TTC28: variants seen among roughly 807,000 people sequenced by gnomAD.
TTC28 encodes the protein tetratricopeptide repeat protein 28.
TTC28 carries 61 observed loss-of-function variants against 198.0 expected under a neutral mutation model. The ratio of observed to expected loss-of-function variants is 0.31; its 90% CI spans 0.25 to 0.38. The LOEUF is 0.38. Ranked by LOEUF, TTC28 falls within the 10% of genes least tolerant of loss-of-function variation. The probability of loss-of-function intolerance (pLI) is 1.00; values close to 1 mark genes in which losing one functional copy is unlikely to be tolerated. For missense variants in TTC28, 2,678 were observed against 3,164.0 expected, an observed-to-expected ratio of 0.85 and a Z score of 3.69; for synonymous variants, 1,171 against 1,297.8, an observed-to-expected ratio of 0.90 and a Z score of 2.10.
chr22:28,192,783 G>A (rs1924954987), intron 5 of TTC28, among the ~76,000 whole-genome samples: 1 of 152,080 alleles, frequency 6.6e-6, no homozygotes, highest in South Asian at 2.1e-4. Flanking sequence ...AAGAAATATG[G>A]GACTATGAGA....
chr22:28,588,275 AT>A (rs1336539315), intron 2 of TTC28, among the ~76,000 whole-genome samples: 26 of 152,218 alleles, frequency 1.7e-4, no homozygotes, highest in Admixed American at 7.9e-4. Context: ...AGGAACTATA[AT>A]TTACCTTTAA....
In TTC28 at chr22:28,107,055, T is replaced by C. The variant is rs1255145186; in HGVS notation, c.2783+7A>G. The C allele has an allele frequency of 6.5e-7, 1 of 1,542,338 alleles. No individual in the cohort carries two copies. The highest frequency in any genetic ancestry group is 2.5e-5 in the East Asian group (1 of 40,806). On this transcript the variant is annotated splice_region_variant and intron_variant, in intron 7 of 22. Transcript: ENST00000397906. ...TATAAACCACAATTGTCCTTGGTCA[T>C]TTTTACCTGTGTCCATTTCCCAGGC...
At chr22:28,261,419 G>GAGGAGGTTAGAAAGAGAAA (rs1226954663) in intron 5 of TTC28, among the ~76,000 whole-genome samples, 2 of 152,128 alleles carry the variant, frequency 1.3e-5, no homozygotes, top group Admixed American at 1.3e-4. Context: ...AGTCGCAGGA[G>GAGGAGGTTAGAAAGAGAAA]AGGAGGTTAG....
intron 6 of TTC28, among the ~76,000 whole-genome samples, chr22:28,130,411 T>A (rs1171174625): frequency 6.6e-6 from 1 of 152,242 alleles, no homozygotes; most frequent in Non-Finnish European, 1.5e-5. Flanking sequence ...AACTTCCTAG[T>A]TGTATCTTCA....
In TTC28 at chr22:28,108,143, C is replaced by G; in HGVS notation, c.1702G>C (p.Gly568Arg). Residue 568 changes from glycine to arginine, a missense_variant, in exon 7 of 23, where the codon GGT becomes CGT. By Grantham distance (125) the Gly-to-Arg change is moderately radical. Around this residue, in one of 8 missense-constraint regions of TTC28, gnomAD observed 775 missense variants for 845.9 expected, o/e 0.92. Coordinates refer to ENST00000397906, the MANE Select transcript of TTC28 (RefSeq NM_001145418.2). ...GNLAVAYQAL[G>R]AHDRALQHYQ... is the part of the protein sequence containing the mutation. ...TGTTGCAGGGCCCGGTCATGGGCAC[C>G]CAGGGCCTGGTAGGCCACGGCAAGG... 6.4e-7 allele frequency: 1 copy of G among 1,551,698 alleles called. No homozygotes were observed. Among genetic ancestry groups the G allele is most frequent in the East Asian group, 2.4e-5 (1 of 40,914 alleles).
chr22:28,513,947 T>A (rs952492952), intron 2 of TTC28, among the ~76,000 whole-genome samples: 1 of 152,094 alleles, frequency 6.6e-6, no homozygotes, highest in African/African-American at 2.4e-5. Flanking sequence ...AAAAATTACT[T>A]AAAATCATAC....
chr22:28,041,706 T>C (rs1939646532), intron 12 of TTC28, among the ~76,000 whole-genome samples: 1 of 152,060 alleles, frequency 6.6e-6, no homozygotes, highest in Non-Finnish European at 1.5e-5. Flanking sequence ...CCAAAAGCAA[T>C]GGCAACAAAA....
chr22:28,419,912 A>G (rs756551887), intron 2 of TTC28, among the ~76,000 whole-genome samples: 11 of 152,240 alleles, frequency 7.2e-5, no homozygotes, highest in Non-Finnish European at 1.5e-4. Flanking sequence ...GATTGTAAAT[A>G]AAAGGAAAAG....
At chr22:28,264,025 G>A (rs1931508336) in intron 5 of TTC28, among the ~76,000 whole-genome samples, 3 of 152,026 alleles carry the variant, frequency 2.0e-5, no homozygotes, top group South Asian at 4.2e-4. Context: ...GAGTGGGGAG[G>A]CAGAAAGACC....
chr22:28,209,913 A>C (rs1926769234), intron 5 of TTC28, among the ~76,000 whole-genome samples: 1 of 152,158 alleles, frequency 6.6e-6, no homozygotes, highest in Non-Finnish European at 1.5e-5. Flanking sequence ...CACCTCATAC[A>C]GACAGGTGCC....
rs375897197 is a variant in TTC28 at position 28,429,799 on chromosome 22, T to C, written c.382-123156A>G. 3.3e-5 allele frequency among the ~76,000 whole-genome samples: 5 copies of C among 152,292 alleles called. No individual in the cohort carries two copies. In the South Asian group the frequency reaches 6.2e-4, roughly 19 times the overall value. On this transcript the variant is annotated intron_variant, in intron 2 of 22. Transcript: ENST00000397906. Reference sequence around the variant, plus strand: ...CACAAAAATGCCCAGAGACACAGCATTCCTTTTAAGCCACAGCAATTACCA... The same window carrying C: ...CACAAAAATGCCCAGAGACACAGCACTCCTTTTAAGCCACAGCAATTACCA...
chr22:28,403,083 G>A (rs1476164189), intron 2 of TTC28, among the ~76,000 whole-genome samples: 1 of 152,146 alleles, frequency 6.6e-6, no homozygotes, highest in African/African-American at 2.4e-5. Context: ...TTGTGCTTTT[G>A]TATCTCCTTA....
chr22:28,527,405 G>C (rs978989159), intron 2 of TTC28, among the ~76,000 whole-genome samples: 2 of 152,146 alleles, frequency 1.3e-5, no homozygotes, highest in African/African-American at 4.8e-5. Flanking sequence ...TGTCAGTCAT[G>C]AGTTGAAGTT....
intron 21 of TTC28, chr22:27,985,678 T>C (rs1937185662): frequency 4.8e-6 from 1 of 206,362 alleles, no homozygotes; most frequent in Non-Finnish European, 1.0e-5. Flanking sequence ...TTCTTTTCCA[T>C]TTTTTTTTCA....
intron 2 of TTC28, among the ~76,000 whole-genome samples, chr22:28,468,625 G>A (rs74510942): frequency 6.6e-6 from 1 of 150,550 alleles, no homozygotes; most frequent in Non-Finnish European, 1.5e-5. Context: ...CCGGGTTCAC[G>A]CCATTCTCCT....
At chr22:28,082,641 C>G (rs1941409246) in intron 12 of TTC28, among the ~76,000 whole-genome samples, 1 of 152,092 alleles carries the variant, frequency 6.6e-6, no homozygotes, top group Non-Finnish European at 1.5e-5. Context: ...TTATTGAATT[C>G]AGTTTGCTGG....
At chr22:28,600,541 T>C (rs2050623335) in intron 2 of TTC28, among the ~76,000 whole-genome samples, 1 of 152,190 alleles carries the variant, frequency 6.6e-6, no homozygotes, top group Non-Finnish European at 1.5e-5. Context: ...TTCTTTCCAA[T>C]TGTGCAGTTC....
At chr22:28,406,211 G>A (rs965252607) in intron 2 of TTC28, among the ~76,000 whole-genome samples, 1 of 152,196 alleles carries the variant, frequency 6.6e-6, no homozygotes, top group African/African-American at 2.4e-5. Context: ...AAATTACAAT[G>A]AATTAGTGAA....
At chr22:28,544,310 A>G (rs2145941185) in intron 2 of TTC28, among the ~76,000 whole-genome samples, 1 of 152,340 alleles carries the variant, frequency 6.6e-6, no homozygotes, top group African/African-American at 2.4e-5. Context: ...AAAATGAATC[A>G]ATGAACAACA....
Sources: gnomAD v4.1 joint callset for allele counts (sites outside exome capture counted in the v4.1 genomes callset) on GRCh38, gnomAD v4.1.1 for gene constraint, gnomAD v4.1.1 regional missense constraint, MANE v1.5 for transcripts, NCBI Gene and HGNC (gene_info 2026-07-23, HGNC 2026-07-21) for gene names.